ANXA10: variants seen among roughly 807,000 people sequenced by gnomAD.
The protein encoded by ANXA10 is annexin 14.
ANXA10 carries 49 observed loss-of-function variants against 53.5 expected under a neutral mutation model. The ratio of observed to expected loss-of-function variants is 0.92; its 90% CI spans 0.73 to 1.16. The LOEUF is 1.16. ANXA10 is among the 50% of genes most tolerant of loss of function. The pLI, the probability that ANXA10 is intolerant of heterozygous loss-of-function variation, is 0.00. For synonymous variants in ANXA10, 131 were observed against 128.9 expected (o/e 1.02, Z -0.11); for missense variants, 393 against 394.4 (o/e 1.00, Z 0.03).
chr4:168,129,706 C>T (rs1248750635), intron 2 of ANXA10, among the ~76,000 whole-genome samples: 2 of 152,056 alleles, frequency 1.3e-5, no homozygotes, highest in Admixed American at 6.5e-5. Flanking sequence ...AATCTGAAAG[C>T]AAAAACGTAT....
intron 2 of ANXA10, among the ~76,000 whole-genome samples, chr4:168,137,929 G>C (rs2149471764): frequency 6.7e-6 from 1 of 148,330 alleles, no homozygotes; most frequent in East Asian, 2.0e-4. Context: ...TCCTTTTTTT[G>C]CACATCCTCT....
chr4:168,146,043 G>C (rs1434064354), intron 3 of ANXA10, among the ~76,000 whole-genome samples: 1 of 151,980 alleles, frequency 6.6e-6, no homozygotes, highest in Non-Finnish European at 1.5e-5. Context: ...TGAGTAGCTG[G>C]GATTACAGGT....
chr4:168,136,257 GTTC>G (rs1345414726), intron 2 of ANXA10, among the ~76,000 whole-genome samples: 14 of 152,130 alleles, frequency 9.2e-5, no homozygotes, highest in Non-Finnish European at 2.9e-5. Flanking sequence ...CAAATCTCAT[GTTC>G]TTCTCACATT....
intron 3 of ANXA10, among the ~76,000 whole-genome samples, chr4:168,161,295 A>G (rs1209078106): frequency 1.3e-5 from 2 of 152,214 alleles, no homozygotes; most frequent in African/African-American, 4.8e-5. Context: ...CACTTCTCCC[A>G]GCACCATTTA....
intron 1 of ANXA10, among the ~76,000 whole-genome samples, chr4:168,126,698 T>C (rs952952351): frequency 1.3e-5 from 2 of 152,184 alleles, no homozygotes; most frequent in African/African-American, 4.8e-5. Flanking sequence ...GTTTTCCTGA[T>C]GCAAAACATT....
chr4:168,160,119 C>G (rs930841863), intron 3 of ANXA10, among the ~76,000 whole-genome samples: 1 of 152,104 alleles, frequency 6.6e-6, no homozygotes, highest in Non-Finnish European at 1.5e-5. Flanking sequence ...CACAGGTAAA[C>G]ATGTGCCATG....
Position 168,177,689 on chromosome 4 carries a change from T to C in ANXA10, c.481-51T>C, listed in dbSNP as rs760692844. 31 of 1,567,734 alleles carry C rather than the reference T, an allele frequency of 2.0e-5. 1 individual carries two copies. The Admixed American group carries it at 3.8e-4, about 19-fold the overall frequency. On this transcript the variant is annotated intron_variant, in intron 6 of 11. Transcript: ENST00000359299. ...GGATTTCAGTCTCACTAATCCAATA[T>C]GAGTTGCTGACTAAGAACATTTACA...
At chr4:168,154,021 C>G (rs1378919047) in intron 3 of ANXA10, among the ~76,000 whole-genome samples, 1 of 151,536 alleles carries the variant, frequency 6.6e-6, no homozygotes, top group Non-Finnish European at 1.5e-5. Context: ...CGCGCGCGCG[C>G]GTGCCTCTGA....
intron 1 of ANXA10, among the ~76,000 whole-genome samples, chr4:168,121,319 A>C (rs1033297786): frequency 3.3e-5 from 5 of 152,108 alleles, no homozygotes; most frequent in African/African-American, 1.2e-4. Flanking sequence ...TTAGACTTTT[A>C]TGATACAATG....
At chr4:168,159,722 A>G (rs75443218) in intron 3 of ANXA10, among the ~76,000 whole-genome samples, 13 of 152,196 alleles carry the variant, frequency 8.5e-5, no homozygotes, top group Non-Finnish European at 1.5e-4. Flanking sequence ...CAGTATACAT[A>G]CACATAACTC....
At chr4:168,182,537 GTTACCCAGGATGGTCTCGA>G (rs1159138119) in intron 10 of ANXA10, among the ~76,000 whole-genome samples, 3 of 148,634 alleles carry the variant, frequency 2.0e-5, no homozygotes, top group Admixed American at 1.3e-4. Context: ...GTTTCACTGT[GTTACCCAGGATGGTCTCGA>G]TTTCCTGACT....
intron 3 of ANXA10, among the ~76,000 whole-genome samples, chr4:168,143,967 G>C (rs1731367266): frequency 6.6e-6 from 1 of 152,084 alleles, no homozygotes; most frequent in Non-Finnish European, 1.5e-5. Flanking sequence ...TTGCTTAAGT[G>C]TCAAATACTC....
chr4:168,147,070 T>C (rs1446309096), intron 3 of ANXA10, among the ~76,000 whole-genome samples: 1 of 152,222 alleles, frequency 6.6e-6, no homozygotes, highest in East Asian at 1.9e-4. Context: ...AGCAGCTTGC[T>C]GATTTCCCCA....
At chr4:168,153,697 G>A (rs1263818646) in intron 3 of ANXA10, among the ~76,000 whole-genome samples, 1 of 152,026 alleles carries the variant, frequency 6.6e-6, no homozygotes, top group Non-Finnish European at 1.5e-5. Flanking sequence ...AATATTTTCA[G>A]AATTTTACCT....
chr4:168,121,681 AT>A (rs1170576527), intron 1 of ANXA10, among the ~76,000 whole-genome samples: 10 of 152,212 alleles, frequency 6.6e-5, no homozygotes, highest in Non-Finnish European at 1.5e-4. Context: ...GTTTTAGAAT[AT>A]TAAAAATCGT....
chr4:168,097,315 C>A (rs1730567510), intron 1 of ANXA10, among the ~76,000 whole-genome samples: 1 of 152,012 alleles, frequency 6.6e-6, no homozygotes, highest in African/African-American at 2.4e-5. Context: ...ATGCCTAATT[C>A]TCTCCTCTCA....
chr4:168,093,785 A>G (rs933319955), intron 1 of ANXA10, among the ~76,000 whole-genome samples: 4 of 152,212 alleles, frequency 2.6e-5, no homozygotes, highest in Non-Finnish European at 5.9e-5. Flanking sequence ...AAAGTAATCA[A>G]TGCAGGAAAA....
intron 2 of ANXA10, among the ~76,000 whole-genome samples, chr4:168,128,584 A>G (rs1418556785): frequency 6.6e-6 from 1 of 152,102 alleles, no homozygotes; most frequent in Non-Finnish European, 1.5e-5. Flanking sequence ...TCTGCTTTTC[A>G]CATCTCTGTA....
At chr4:168,111,541 C>T (rs1461169246) in intron 1 of ANXA10, among the ~76,000 whole-genome samples, 1 of 152,168 alleles carries the variant, frequency 6.6e-6, no homozygotes, top group Non-Finnish European at 1.5e-5. Flanking sequence ...ACACAACATT[C>T]AAGGCACCTA....
Sources: allele counts gnomAD v4.1 joint callset (sites outside exome capture counted in the v4.1 genomes callset), GRCh38; gene constraint gnomAD v4.1.1; transcripts MANE v1.5; gene names NCBI Gene and HGNC (gene_info 2026-07-23, HGNC 2026-07-21).